The following PUM1 variants were observed in gnomAD, a reference collection of about 807,000 sequenced individuals.
PUM1 encodes the protein pumilio homolog 1.
In PUM1, 13 loss-of-function variants were observed where a neutral mutation model predicts 131.8. The ratio of observed to expected loss-of-function variants is 0.10; its 90% CI spans 0.06 to 0.16. The LOEUF (loss-of-function observed/expected upper bound fraction) is 0.16. PUM1 is among the 10% of genes least tolerant of loss of function. PUM1 has a pLI of 1.00. For synonymous variants in PUM1, 509 were observed against 556.5 expected (o/e 0.91, Z 1.20); for missense variants, 961 against 1,512.4 (o/e 0.64, Z 6.05).
Position 30,965,877 on chromosome 1 carries a change from G to A in PUM1, c.2086+105C>T. On this transcript the variant is annotated intron_variant, in intron 13 of 21. Transcript: ENST00000426105. ...ATGTGGGATGGCTGGATTCCCACAA[G>A]GCTTGGTCCAGATCTGCCTGTGGTT... The A allele has an allele frequency of 2.5e-6, 3 of 1,220,638 alleles. No homozygotes were observed. The South Asian group carries it at 4.7e-5, about 19-fold the overall frequency. 75.6% of individuals were successfully genotyped at this position (1,220,638 alleles called of 1,614,324 possible). A position where few individuals can be genotyped will look rare whatever the true frequency, so the allele number is the denominator to read the frequency against.
chr1:30,933,461 C>CACAT, intron 21 of PUM1, 119 bp from the exon 22 acceptor site: 2 of 802,570 alleles, frequency 2.5e-6, no homozygotes, highest in African/African-American at 1.7e-5. Flanking sequence ...CACACACACA[C>CACAT]ACACACACAC....
At chr1:31,036,466 C>T (rs1643615574) in intron 2 of PUM1, among the ~76,000 whole-genome samples, 1 of 152,162 alleles carries the variant, frequency 6.6e-6, no homozygotes, top group Admixed American at 6.5e-5. Flanking sequence ...ATGGCCAGTA[C>T]TTTCGAGGCC....
intron 2 of PUM1, among the ~76,000 whole-genome samples, chr1:31,057,906 G>T (rs375363038): frequency 2.0e-5 from 3 of 152,008 alleles, no homozygotes; most frequent in South Asian, 4.1e-4. Context: ...GACACAAAAT[G>T]AACCTTTCCA....
chr1:31,022,994 C>A (rs1035370315), intron 3 of PUM1, among the ~76,000 whole-genome samples: 1 of 151,800 alleles, frequency 6.6e-6, no homozygotes, highest in African/African-American at 2.4e-5. Context: ...CATAGTGAAA[C>A]CCTGTCTCTA....
intron 2 of PUM1, among the ~76,000 whole-genome samples, chr1:31,057,337 T>C (rs919402593): frequency 7.7e-6 from 1 of 130,374 alleles, no homozygotes; most frequent in African/African-American, 3.3e-5. Flanking sequence ...AGGGAGACCG[T>C]GGTTGCAGTG....
chr1:31,019,989 G>A (rs1642963500), intron 3 of PUM1, among the ~76,000 whole-genome samples: 1 of 152,000 alleles, frequency 6.6e-6, no homozygotes, highest in African/African-American at 2.4e-5. Context: ...TGAGATTTGG[G>A]CTTCAACTGA....
intron 14 of PUM1, among the ~76,000 whole-genome samples, chr1:30,957,536 G>T (rs1640220878): frequency 6.6e-6 from 1 of 152,198 alleles, no homozygotes; most frequent in Admixed American, 6.5e-5. Context: ...GCTTCAAAGG[G>T]ACAGTGGTGG....
intron 1 of PUM1, among the ~76,000 whole-genome samples, chr1:31,062,852 C>T (rs530058184): frequency 6.6e-6 from 1 of 152,286 alleles, no homozygotes; most frequent in East Asian, 1.9e-4. Context: ...CTTCTCACAA[C>T]TAAATTCATG....
At chr1:30,934,270 T>G (rs1347409804) in intron 21 of PUM1, among the ~76,000 whole-genome samples, 2 of 152,218 alleles carry the variant, frequency 1.3e-5, no homozygotes, top group African/African-American at 4.8e-5. Context: ...ATCTTTTGCT[T>G]AATTATCAAT....
intron 21 of PUM1, among the ~76,000 whole-genome samples, chr1:30,936,291 C>T (rs1297868181): frequency 6.6e-6 from 1 of 151,982 alleles, no homozygotes; most frequent in African/African-American, 2.4e-5. Flanking sequence ...CTGGGCAGGC[C>T]TTTGTTCAAT....
chr1:31,000,285 A>G (rs1642161539), intron 5 of PUM1, among the ~76,000 whole-genome samples: 1 of 152,256 alleles, frequency 6.6e-6, no homozygotes, highest in South Asian at 2.1e-4. Context: ...GCATCTTTTA[A>G]TTATGGGCTT....
chr1:31,040,766 A>G (rs1643789083), intron 2 of PUM1, among the ~76,000 whole-genome samples: 1 of 151,984 alleles, frequency 6.6e-6, no homozygotes, highest in South Asian at 2.1e-4. Context: ...AATTTAAAAT[A>G]AAAATTTATT....
intron 2 of PUM1, among the ~76,000 whole-genome samples, chr1:31,038,329 C>T (rs189915905): frequency 5.9e-5 from 9 of 152,228 alleles, no homozygotes; most frequent in African/African-American, 2.2e-4. Context: ...AAAACTTTAA[C>T]CTGCGATTAC....
chr1:31,046,011 G>A (rs1643950842), intron 2 of PUM1, among the ~76,000 whole-genome samples: 2 of 152,116 alleles, frequency 1.3e-5, no homozygotes, highest in African/African-American at 4.8e-5. Flanking sequence ...GAACCCAGGA[G>A]GTGGAGATTG....
intron 8 of PUM1, among the ~76,000 whole-genome samples, chr1:30,980,806 A>G (rs1339572101): frequency 6.6e-6 from 1 of 152,256 alleles, no homozygotes; most frequent in Non-Finnish European, 1.5e-5. Flanking sequence ...ACGTCTAGGC[A>G]GTACGATGAA....
chr1:30,963,409 T>C (rs1042796573), intron 14 of PUM1, among the ~76,000 whole-genome samples: 9 of 152,248 alleles, frequency 5.9e-5, no homozygotes, highest in African/African-American at 9.6e-5. Context: ...GATGTTCATA[T>C]ATAACCTGAG....
intron 2 of PUM1, among the ~76,000 whole-genome samples, chr1:31,050,169 A>G (rs1644075291): frequency 1.3e-5 from 2 of 152,094 alleles, no homozygotes; most frequent in Non-Finnish European, 2.9e-5. Flanking sequence ...GGTAATTCTT[A>G]AAGTTATAAT....
chr1:31,038,973 T>TATATATATATACATATATATAC (rs1643713244), intron 2 of PUM1, among the ~76,000 whole-genome samples: 1 of 35,284 alleles, frequency 2.8e-5, no homozygotes, highest in Admixed American at 3.2e-4. Flanking sequence ...TATATATATA[T>TATATATATATACATATATATAC]ATATATATAT....
rs1486591045 is a variant in PUM1 at position 31,038,956 on chromosome 1, TTTTATATATA to T, written c.364-10102_364-10093del. Among the ~76,000 whole-genome samples the T allele has an allele frequency of 1.9e-3, 79 of 42,538 alleles. 5 individuals carry two copies. Among genetic ancestry groups the T allele is most frequent in the Middle Eastern group, 0.015 (2 of 136 alleles). 27.9% of individuals were successfully genotyped at this position (42,538 alleles called of 152,430 possible). On this transcript the variant is annotated intron_variant, in intron 2 of 21. Transcript: ENST00000426105. ...TATAGCCATTTAAAATGTTTTAAAA[TTTTATATATA>T]TATATATATATATATATATTTTTTT...
Sources: allele counts gnomAD v4.1 joint callset (sites outside exome capture counted in the v4.1 genomes callset), GRCh38; gene constraint gnomAD v4.1.1; transcripts MANE v1.5; gene names NCBI Gene and HGNC (gene_info 2026-07-23, HGNC 2026-07-21).